The following ZSCAN30 variants were observed in gnomAD, a reference collection of about 807,000 sequenced individuals.
ZSCAN30 encodes the protein zinc finger and SCAN domain-containing protein 30.
A neutral mutation model predicts 44.3 loss-of-function variants in ZSCAN30; 37 were observed. The observed-to-expected ratio is 0.84, with a 90% CI of 0.64 to 1.10. ZSCAN30 has a LOEUF of 1.10. ZSCAN30 is among the 50% of genes least tolerant of loss of function. The pLI is 0.00. For missense variants in ZSCAN30, 549 were observed against 582.6 expected (o/e 0.94, Z 0.59); for synonymous variants, 181 against 204.6 (o/e 0.88, Z 0.98).
intron 1 of ZSCAN30, among the ~76,000 whole-genome samples, chr18:35,264,943 G>A (rs986185546): frequency 2.0e-5 from 3 of 152,014 alleles, no homozygotes; most frequent in Non-Finnish European, 2.9e-5. Flanking sequence ...TCAGAAGATC[G>A]AGACCATCCT....
chr18:35,279,056 T>C (rs2044411999), intron 1 of ZSCAN30, among the ~76,000 whole-genome samples: 1 of 152,196 alleles, frequency 6.6e-6, no homozygotes, highest in Admixed American at 6.5e-5. Flanking sequence ...ATTTCTACAG[T>C]CTCTTCAAGG....
intron 1 of ZSCAN30, among the ~76,000 whole-genome samples, chr18:35,286,159 A>G (rs1270294634): frequency 2.0e-5 from 3 of 152,202 alleles, no homozygotes; most frequent in African/African-American, 4.8e-5. Context: ...GAATAGCACC[A>G]TATCTATTAA....
intron 3 of ZSCAN30, chr18:35,259,824 TGATTTAAG>T (rs1234097252): frequency 2.0e-5 from 3 of 152,224 alleles, no homozygotes; most frequent in African/African-American, 7.3e-5. Flanking sequence ...GTCATTTACC[TGATTTAAG>T]GCAGGGGACC....
intron 1 of ZSCAN30, chr18:35,267,487 CCGG>C (rs71876465): frequency 0.78 from 118,662 of 151,672 alleles, 48,041 homozygotes; most frequent in Non-Finnish European, 0.89. Context: ...CTTCGCTCTA[CCGG>C]CGGCGGCGGG....
intron 3 of ZSCAN30, chr18:35,255,126 CCTT>C (rs1243507415): frequency 1.2e-4 from 18 of 151,624 alleles, no homozygotes; most frequent in African/African-American, 4.4e-4. Context: ...GGAGACAACT[CCTT>C]CTTTGAGCAT....
chr18:35,269,335 A>AT (rs2044224698), intron 1 of ZSCAN30: 1 of 152,234 alleles, frequency 6.6e-6, no homozygotes, highest in African/African-American at 2.4e-5. Context: ...AACAATGCCT[A>AT]TAACATAGAT....
chr18:35,257,049 TACA>T (rs2043852432), intron 3 of ZSCAN30: 1 of 152,488 alleles, frequency 6.6e-6, no homozygotes, highest in African/African-American at 2.4e-5. Context: ...GTGATGGAAC[TACA>T]GGCACGAGCC....
intron 1 of ZSCAN30, among the ~76,000 whole-genome samples, chr18:35,287,040 A>G (rs2044565469): frequency 6.6e-6 from 1 of 152,212 alleles, no homozygotes; most frequent in Admixed American, 6.5e-5. Flanking sequence ...ACAATCTGAA[A>G]TTAAAGGAAA....
intron 1 of ZSCAN30, among the ~76,000 whole-genome samples, chr18:35,275,689 C>A (rs1273804465): frequency 6.6e-6 from 1 of 152,160 alleles, no homozygotes; most frequent in Non-Finnish European, 1.5e-5. Flanking sequence ...TTCCTGCTAT[C>A]TTTTACACAT....
In ZSCAN30 at chr18:35,253,810, A is replaced by G; in HGVS notation, c.1125T>C (p.His375=). 2 of 1,614,114 alleles carry G rather than the reference A, an allele frequency of 1.2e-6. No individual in the cohort carries two copies. Among genetic ancestry groups the G allele is most frequent in the South Asian group, 2.2e-5 (2 of 91,084 alleles). Reference sequence around the variant, plus strand: ...GCTTCTCTCCAGTGTGGATTCTCCGATGCCTGATGAGCTCTGAACTGCCCC... The same window carrying G: ...GCTTCTCTCCAGTGTGGATTCTCCGGTGCCTGATGAGCTCTGAACTGCCCC... The part of the protein sequence containing the change: ...AFRGSSELIR[H]RRIHTGEKPY... The change falls in exon 4 of 4, where the codon CAT becomes CAC. Residue 375 remains histidine (H), a synonymous_variant. Coordinates refer to ENST00000333206, the MANE Select transcript of ZSCAN30 (RefSeq NM_001112734.4).
In ZSCAN30 at chr18:35,252,395, G is replaced by A. The variant is rs896046501; in HGVS notation, c.*1055C>T. ...AGGAACACGGTGATCTGCCTTCCCA[G>A]GCTCTGCTATTCCCCATTCCCTGCC... On this transcript the variant is annotated 3_prime_UTR_variant, in exon 4 of 4. Coordinates refer to ENST00000333206, the MANE Select transcript of ZSCAN30 (RefSeq NM_001112734.4). 6.6e-6 allele frequency: 1 copy of A among 152,208 alleles called. No individual in the cohort carries two copies. Among genetic ancestry groups the A allele is most frequent in the Non-Finnish European group, 1.5e-5 (1 of 68,054 alleles). 9.4% of individuals were successfully genotyped at this position (152,208 alleles called of 1,614,324 possible).
rs1598595061 is a variant in ZSCAN30, at chr18:35,252,014, G to A, written c.*1436C>T. ...ATAAAAATTAGCAGAGAGAGTTACA[G>A]GCAGAGGTTATAGCCCATACAATGG... On this transcript the variant is annotated 3_prime_UTR_variant, in exon 4 of 4. Transcript: ENST00000333206. The A allele has an allele frequency of 2.6e-5, 4 of 152,274 alleles. No homozygotes were observed. The South Asian group carries it at 8.3e-4, about 32-fold the overall frequency. The allele number at this position is 152,274 out of a possible 1,614,324, so 9.4% of individuals were successfully genotyped here. A position where few individuals can be genotyped will look rare whatever the true frequency, so the allele number is the denominator to read the frequency against.
intron 3 of ZSCAN30, chr18:35,260,427 G>C (rs2043999169): frequency 6.6e-6 from 1 of 152,144 alleles, no homozygotes. Flanking sequence ...GGTCTTTGAG[G>C]AATCACCACA....
At chr18:35,271,172 G>A (rs916870883) in intron 1 of ZSCAN30, among the ~76,000 whole-genome samples, 1 of 152,158 alleles carries the variant, frequency 6.6e-6, no homozygotes, top group African/African-American at 2.4e-5. Flanking sequence ...ACCCCACCAG[G>A]TTCCTGCTGC....
intron 1 of ZSCAN30, among the ~76,000 whole-genome samples, chr18:35,286,836 G>A (rs1445514501): frequency 1.3e-5 from 2 of 151,884 alleles, no homozygotes; most frequent in Non-Finnish European, 2.9e-5. Flanking sequence ...ACCTCCCTTT[G>A]CCTGCCTTAC....
Position 35,254,345 on chromosome 18 carries a change from T to C in ZSCAN30, c.590A>G (p.Lys197Arg), listed in dbSNP as rs1254404105. ...GGCTACACATTCAACAATTTCTTGCTTTGCCATCAACACTTTGCCAGCCAC... is the reference window on the plus strand; with the variant it reads ...GGCTACACATTCAACAATTTCTTGCCTTGCCATCAACACTTTGCCAGCCAC... ...RMVAGKVLMA[K>R]QEIVECVASA... The change falls in exon 4 of 4, where the codon AAG (lysine) becomes AGG (arginine). Residue 197 changes from lysine to arginine, a missense_variant. By Grantham distance (26) the Lys-to-Arg change is conservative (BLOSUM62 2). Coordinates refer to ENST00000333206, the MANE Select transcript of ZSCAN30 (RefSeq NM_001112734.4). 1.2e-6 allele frequency: 2 copies of C among 1,613,892 alleles called. No individual in the cohort carries two copies. Among genetic ancestry groups the C allele is most frequent in the Middle Eastern group, 3.3e-4 (2 of 6,062 alleles).
intron 1 of ZSCAN30, among the ~76,000 whole-genome samples, chr18:35,273,513 C>T (rs2044319980): frequency 6.6e-6 from 1 of 152,206 alleles, no homozygotes; most frequent in Non-Finnish European, 1.5e-5. Context: ...TATAACAGTA[C>T]CTTTAATCCA....
chr18:35,269,197 G>A (rs1330185481), intron 1 of ZSCAN30: 3 of 152,228 alleles, frequency 2.0e-5, no homozygotes, highest in African/African-American at 4.8e-5. Flanking sequence ...GAAGCCATTA[G>A]CCATTTATGG....
rs760251947 is a variant in ZSCAN30 at position 35,253,531 on chromosome 18, A to C, written c.1404T>G (p.Pro468=). The C allele has an allele frequency of 1.5e-5, 25 of 1,613,582 alleles. No homozygotes were observed. The East Asian group carries it at 5.3e-4, about 35-fold the overall frequency. The change falls in exon 4 of 4, where the codon CCT becomes CCG. Residue 468 remains proline, a synonymous_variant. Transcript: ENST00000333206. ...TTTTTCTACATTCACTACATTCATA[A>C]GGCTTCTCTCCAGTGTGAATTCTCT... The part of the protein sequence containing the change: ...QHQRIHTGEK[P]YECSECRKTF...
Sources: allele counts gnomAD v4.1 joint callset (sites outside exome capture counted in the v4.1 genomes callset), GRCh38; gene constraint gnomAD v4.1.1; transcripts MANE v1.5; gene names NCBI Gene and HGNC (gene_info 2026-07-23, HGNC 2026-07-21).